KCNMA1: variants seen among roughly 807,000 people sequenced by gnomAD.
KCNMA1 encodes the protein potassium calcium-activated channel subfamily M alpha 1, also known as Calcium-activated potassium channel subunit alpha-1.
Under a neutral mutation model 140.0 loss-of-function variants are expected in KCNMA1, and 29 were observed. The ratio of observed to expected loss-of-function variants is 0.21; its 90% CI spans 0.15 to 0.28. The LOEUF (loss-of-function observed/expected upper bound fraction) is 0.28, where lower values mean the gene tolerates loss of function less well. Ranked by LOEUF, KCNMA1 falls within the 10% of genes least tolerant of loss-of-function variation. KCNMA1 has a pLI of 1.00. For synonymous variants in KCNMA1, 612 were observed against 611.9 expected, an observed-to-expected ratio of 1.00 and a Z score of 0.00; for missense variants, 880 against 1,602.2, an observed-to-expected ratio of 0.55 and a Z score of 7.70.
At chr10:76,902,249 A>G (rs561219694) in intron 25 of KCNMA1, 1 of 152,402 alleles carries the variant, frequency 6.6e-6, no homozygotes, top group African/African-American at 2.4e-5. Flanking sequence ...CACCTGACCC[A>G]GAAGGCACAC....
intron 2 of KCNMA1, among the ~76,000 whole-genome samples, chr10:77,383,917 A>G (rs895910616): frequency 3.3e-5 from 5 of 152,208 alleles, no homozygotes; most frequent in Admixed American, 6.5e-5. Flanking sequence ...TGGACTGCCC[A>G]GGTTTAAAGT....
At chr10:76,911,930 G>A (rs2050480587) in intron 24 of KCNMA1, 1 of 152,238 alleles carries the variant, frequency 6.6e-6, no homozygotes, top group Non-Finnish European at 1.5e-5. Context: ...GAAAAGCACA[G>A]CATCTGTTAC....
chr10:77,257,067 A>G (rs1262657312), intron 2 of KCNMA1, among the ~76,000 whole-genome samples: 2 of 152,128 alleles, frequency 1.3e-5, no homozygotes, highest in African/African-American at 2.4e-5. Flanking sequence ...CTGTGATCAA[A>G]CCACTACACT....
intron 19 of KCNMA1, chr10:76,995,723 A>G: frequency 2.1e-6 from 1 of 469,418 alleles, no homozygotes; most frequent in Non-Finnish European, 4.4e-6. Context: ...CCTGAAATAA[A>G]AAAGCAAACA....
chr10:77,352,394 T>C (rs1159469804), intron 2 of KCNMA1, among the ~76,000 whole-genome samples: 3 of 152,204 alleles, frequency 2.0e-5, no homozygotes, highest in Non-Finnish European at 4.4e-5. Context: ...TTCCCCTTTA[T>C]GGTAAATGTT....
chr10:77,284,495 G>T (rs1302881796), intron 2 of KCNMA1, among the ~76,000 whole-genome samples: 1 of 152,096 alleles, frequency 6.6e-6, no homozygotes, highest in Non-Finnish European at 1.5e-5. Context: ...TTTCAGGGGA[G>T]ACTCTGTTGT....
intron 19 of KCNMA1, among the ~76,000 whole-genome samples, chr10:76,997,783 G>A (rs188353121): frequency 5.9e-5 from 9 of 152,210 alleles, no homozygotes; most frequent in Non-Finnish European, 1.0e-4. Context: ...TGAAAAAGCC[G>A]AGGCCCATAC....
intron 9 of KCNMA1, among the ~76,000 whole-genome samples, chr10:77,104,478 A>G (rs2097161620): frequency 6.6e-6 from 1 of 152,140 alleles, no homozygotes; most frequent in South Asian, 2.1e-4. Context: ...CTAGTCTTTC[A>G]TGACTCATTC....
intron 3 of KCNMA1, among the ~76,000 whole-genome samples, chr10:77,227,704 G>A (rs1275151419): frequency 2.0e-5 from 3 of 152,130 alleles, no homozygotes; most frequent in Admixed American, 6.5e-5. Context: ...AGGCATTAAC[G>A]GTAAAGTTCT....
chr10:77,637,415 CTCCA>C lies in KCNMA1; in HGVS notation c.224_227del (p.Met75ArgfsTer21). 1.9e-6 allele frequency: 3 copies of C among 1,613,858 alleles called. No individual in the cohort carries two copies. Among genetic ancestry groups the C allele is most frequent in the Non-Finnish European group, 2.5e-6 (3 of 1,179,940 alleles). On this transcript the variant is annotated frameshift_variant, in exon 1 of 28. Coordinates refer to ENST00000286628, the MANE Select transcript of KCNMA1 (RefSeq NM_001161352.2). LOFTEE classifies it high-confidence loss of function. ...GTTGGCCCCGGCTGTCGCACGGCACCTCCATGGTCACCGGGATGATGAGCGCATC... is the reference window on the plus strand; with the variant it reads ...GTTGGCCCCGGCTGTCGCACGGCACCTGGTCACCGGGATGATGAGCGCATC...
Position 76,974,553 on chromosome 10 carries a change from G to A in KCNMA1, c.2267-4486C>T, listed in dbSNP as rs188354139. On this transcript the variant is annotated intron_variant, in intron 19 of 27. Coordinates refer to ENST00000286628, the MANE Select transcript of KCNMA1 (RefSeq NM_001161352.2). ...AACTCAAATGGATCTTTGGAATAGC[G>A]TGATCTAGCTGCAACCTTGACTGCC... is the stretch of plus-strand genomic sequence containing the variant. 2.8e-4 allele frequency: 438 copies of A among 1,548,554 alleles called. No homozygotes were observed. Among genetic ancestry groups the A allele is most frequent in the Middle Eastern group, 6.7e-4 (4 of 5,986 alleles).
In KCNMA1 at chr10:77,387,560, T is replaced by C. The variant is rs199590840; in HGVS notation, c.540+16302A>G. Among the ~76,000 whole-genome samples the C allele has an allele frequency of 2.4e-4, 31 of 129,204 alleles. No individual in the cohort carries two copies. The South Asian group carries it at 5.5e-3, about 23-fold the overall frequency. 84.8% of individuals were successfully genotyped at this position (129,204 alleles called of 152,430 possible). On this transcript the variant is annotated intron_variant, in intron 2 of 27. Coordinates refer to ENST00000286628, the MANE Select transcript of KCNMA1 (RefSeq NM_001161352.2). ...CTTTTCTTTTCTTTTCTTTTCTTTT[T>C]CTTTTCTTTTCTTTTTTTTCTTTTC...
intron 19 of KCNMA1, among the ~76,000 whole-genome samples, chr10:76,989,618 C>G (rs1237550598): frequency 6.6e-6 from 1 of 152,158 alleles, no homozygotes; most frequent in Non-Finnish European, 1.5e-5. Context: ...ATAGCTGTCT[C>G]TTGGTATTTT....
chr10:77,471,723 C>G (rs568517265), intron 1 of KCNMA1, among the ~76,000 whole-genome samples: 1 of 150,256 alleles, frequency 6.7e-6, no homozygotes, highest in East Asian at 2.0e-4. Context: ...ATCACACATA[C>G]ACACATAACA....
intron 14 of KCNMA1, among the ~76,000 whole-genome samples, chr10:77,052,118 TGG>T (rs2095391200): frequency 6.6e-6 from 1 of 152,200 alleles, no homozygotes. Flanking sequence ...CTGTGATTCA[TGG>T]CTTCCTATTG....
chr10:77,221,623 T>G (rs976800968), intron 3 of KCNMA1, among the ~76,000 whole-genome samples: 62 of 152,336 alleles, frequency 4.1e-4, no homozygotes, highest in African/African-American at 1.5e-3. Flanking sequence ...AATAAGTGCC[T>G]GTATCAAAAC....
At chr10:77,064,996 A>G (rs1258751306) in intron 14 of KCNMA1, among the ~76,000 whole-genome samples, 1 of 152,202 alleles carries the variant, frequency 6.6e-6, no homozygotes, top group East Asian at 1.9e-4. Flanking sequence ...ACAGTAGCAA[A>G]GAAAGAAGTT....
intron 1 of KCNMA1, among the ~76,000 whole-genome samples, chr10:77,475,353 C>T (rs1044515299): frequency 1.3e-5 from 2 of 152,184 alleles, no homozygotes; most frequent in Admixed American, 6.5e-5. Flanking sequence ...CTTCTCCCCA[C>T]CACAAACCTA....
intron 23 of KCNMA1, among the ~76,000 whole-genome samples, chr10:76,941,735 CCTT>C (rs1749553990): frequency 6.6e-6 from 1 of 152,124 alleles, no homozygotes; most frequent in African/African-American, 2.4e-5. Flanking sequence ...ACATCCTTTG[CCTT>C]CTTCTGTCAT....
Sources: gnomAD v4.1 joint callset for allele counts (sites outside exome capture counted in the v4.1 genomes callset) on GRCh38, gnomAD v4.1.1 for gene constraint, MANE v1.5 for transcripts, NCBI Gene and HGNC (gene_info 2026-07-23, HGNC 2026-07-21) for gene names.